The following SHISA9 variants were observed in gnomAD, a reference collection of about 807,000 sequenced individuals.
SHISA9 encodes shisa family member 9, also known as protein shisa-9.
SHISA9 carries 13 observed loss-of-function variants against 38.0 expected under a neutral mutation model. The ratio of observed to expected loss-of-function variants is 0.34; its 90% CI spans 0.22 to 0.54. SHISA9 has a LOEUF of 0.54. Among genes scored for constraint, SHISA9 ranks in the 20% least tolerant of loss-of-function variants. SHISA9 has a pLI of 0.91. For missense variants in SHISA9, 538 were observed against 575.8 expected, an observed-to-expected ratio of 0.93 and a Z score of 0.67; for synonymous variants, 275 against 242.0, an observed-to-expected ratio of 1.14 and a Z score of -1.27.
chr16:13,204,339 A>G (rs182252501), intron 3 of SHISA9, among the ~76,000 whole-genome samples: 5 of 152,138 alleles, frequency 3.3e-5, no homozygotes, highest in Admixed American at 2.6e-4. Context: ...CAAGTTCTAC[A>G]TTGCTGTGTG....
chr16:13,519,986 CAGTA>C, the SHISA9 span, among the ~76,000 whole-genome samples: 2 of 152,108 alleles, frequency 1.3e-5, no homozygotes, highest in South Asian at 2.1e-4. Flanking sequence ...AACCTAAAAA[CAGTA>C]AGCTCTCTTG....
chr16:12,908,111 A>G (rs1035798658), intron 1 of SHISA9, among the ~76,000 whole-genome samples: 1 of 85,428 alleles, frequency 1.2e-5, no homozygotes, highest in Non-Finnish European at 2.6e-5. Flanking sequence ...TTGGAAAACA[A>G]TGAGCTCAGG....
the SHISA9 span, among the ~76,000 whole-genome samples, chr16:13,248,620 A>G: frequency 2.0e-5 from 3 of 152,174 alleles, no homozygotes; most frequent in Non-Finnish European, 1.5e-5. Context: ...TTGAGGTAAG[A>G]TATGTAAACC....
chr16:13,301,517 G>A, the SHISA9 span, among the ~76,000 whole-genome samples: 2 of 152,180 alleles, frequency 1.3e-5, no homozygotes, highest in African/African-American at 4.8e-5. Context: ...GACATTTGGT[G>A]ATGCACAGGT....
chr16:12,934,925 T>C (rs2071509259), intron 2 of SHISA9, among the ~76,000 whole-genome samples: 1 of 152,200 alleles, frequency 6.6e-6, no homozygotes, highest in South Asian at 2.1e-4. Context: ...TGAAGGAACG[T>C]CTGATGGTCC....
chr16:13,442,581 A>C, the SHISA9 span, among the ~76,000 whole-genome samples: 3 of 152,340 alleles, frequency 2.0e-5, no homozygotes, highest in East Asian at 5.8e-4. Flanking sequence ...CTGGGATTAC[A>C]GACATGAGCC....
chr16:13,096,059 T>C (rs1279764132), intron 2 of SHISA9, among the ~76,000 whole-genome samples: 1 of 152,226 alleles, frequency 6.6e-6, no homozygotes, highest in African/African-American at 2.4e-5. Context: ...TGAGTTTGAA[T>C]CCCTGCTTCA....
the SHISA9 span, among the ~76,000 whole-genome samples, chr16:13,460,562 G>C: frequency 6.6e-6 from 1 of 152,190 alleles, no homozygotes; most frequent in Non-Finnish European, 1.5e-5. Flanking sequence ...CTAGTAGTTT[G>C]TGTTTTTAGG....
chr16:13,154,762 A>G (rs1334816699), intron 2 of SHISA9, among the ~76,000 whole-genome samples: 4 of 152,246 alleles, frequency 2.6e-5, no homozygotes, highest in African/African-American at 4.8e-5. Flanking sequence ...TTTCTCGTTC[A>G]TGATCCCTGT....
At chr16:13,052,955 C>CTTCCTT (rs2073268745) in intron 2 of SHISA9, among the ~76,000 whole-genome samples, 1 of 133,206 alleles carries the variant, frequency 7.5e-6, no homozygotes, top group Admixed American at 7.2e-5. Flanking sequence ...CCTTTCCTTC[C>CTTCCTT]TTTCTTTTTT....
intron 2 of SHISA9, among the ~76,000 whole-genome samples, chr16:13,158,562 T>C (rs2050567193): frequency 6.6e-6 from 1 of 152,178 alleles, no homozygotes; most frequent in Admixed American, 6.5e-5. Context: ...CTGTCCCTGT[T>C]ACTTGGGCTA....
At chr16:13,118,730 CTT>C (rs34471353) in intron 2 of SHISA9, among the ~76,000 whole-genome samples, 11 of 130,752 alleles carry the variant, frequency 8.4e-5, no homozygotes, top group Non-Finnish European at 9.5e-5. Context: ...TTTCTTTTTT[CTT>C]TTTTTTTTTT....
the SHISA9 span, among the ~76,000 whole-genome samples, chr16:13,415,481 A>T: frequency 6.6e-6 from 1 of 152,174 alleles, no homozygotes; most frequent in South Asian, 2.1e-4. Context: ...AATAAGTAAT[A>T]GGGGTATTAG....
chr16:13,325,996 A>G, the SHISA9 span, among the ~76,000 whole-genome samples: 2 of 151,456 alleles, frequency 1.3e-5, no homozygotes, highest in African/African-American at 4.9e-5. Flanking sequence ...GCAGCAAACC[A>G]CCATGGAACA....
At chr16:13,251,892 T>C in the SHISA9 span, among the ~76,000 whole-genome samples, 2 of 152,056 alleles carry the variant, frequency 1.3e-5, no homozygotes, top group African/African-American at 4.8e-5. Flanking sequence ...AGTAGCAGAG[T>C]GAGGGCAGGT....
At chr16:12,994,732 G>A (rs938778747) in intron 2 of SHISA9, among the ~76,000 whole-genome samples, 19 of 152,196 alleles carry the variant, frequency 1.2e-4, no homozygotes, top group African/African-American at 4.1e-4. Context: ...TAGGACTGGT[G>A]TAATCCGTTG....
intron 1 of SHISA9, among the ~76,000 whole-genome samples, chr16:12,916,168 C>T (rs1488849835): frequency 6.6e-6 from 1 of 152,150 alleles, no homozygotes; most frequent in Non-Finnish European, 1.5e-5. Context: ...CAGGTCGATT[C>T]ACCTCTCTGA....
intron 2 of SHISA9, among the ~76,000 whole-genome samples, chr16:13,013,816 G>C (rs148589558): frequency 0.018 from 2,735 of 151,950 alleles, 38 homozygotes; most frequent in Middle Eastern, 0.027. Flanking sequence ...CAAGCTCCGC[G>C]TCCCGGGTTC....
intron 2 of SHISA9, among the ~76,000 whole-genome samples, chr16:13,095,625 G>A (rs1029753441): frequency 1.2e-4 from 19 of 152,362 alleles, no homozygotes; most frequent in African/African-American, 4.1e-4. Flanking sequence ...AATTCTAGCT[G>A]TGGGTTTCCA....
Sources: gnomAD v4.1 joint callset for allele counts (sites outside exome capture counted in the v4.1 genomes callset) on GRCh38, gnomAD v4.1.1 for gene constraint, MANE v1.5 for transcripts, NCBI Gene and HGNC (gene_info 2026-07-23, HGNC 2026-07-21) for gene names.